The following PAM variants were observed in gnomAD, a reference collection of about 807,000 sequenced individuals.
PAM encodes peptidyl-glycine alpha-amidating monooxygenase.
Under a neutral mutation model 122.1 loss-of-function variants are expected in PAM, and 72 were observed. The observed-to-expected ratio is 0.59, with a 90% CI of 0.49 to 0.72. PAM has a LOEUF of 0.72. Among genes scored for constraint, PAM ranks in the 30% least tolerant of loss-of-function variants. PAM has a pLI of 0.00. For synonymous variants in PAM, 389 were observed against 404.4 expected (o/e 0.96, Z 0.46); for missense variants, 1,106 against 1,183.7 (o/e 0.93, Z 0.96).
intron 5 of PAM, 124 bp downstream of exon 5, chr5:102,914,145 A>G (rs532404261): frequency 7.9e-6 from 5 of 632,226 alleles, no homozygotes; most frequent in Admixed American, 5.0e-5. Context: ...GAAAAAGAAC[A>G]TTGTTCATTG....
At chr5:102,807,519 C>T (rs928617005) in intron 1 of PAM, among the ~76,000 whole-genome samples, 1 of 152,094 alleles carries the variant, frequency 6.6e-6, no homozygotes, top group Admixed American at 6.5e-5. Context: ...CTGATTTTGT[C>T]TGGGTGTCAT....
chr5:103,019,533 A>G (rs1782977285), intron 22 of PAM, among the ~76,000 whole-genome samples: 1 of 152,160 alleles, frequency 6.6e-6, no homozygotes, highest in Non-Finnish European at 1.5e-5. Context: ...AAATAATACA[A>G]TATTATGAAC....
intron 19 of PAM, 96 bp downstream of exon 19, chr5:103,007,107 TG>T: frequency 1.1e-6 from 1 of 915,158 alleles, no homozygotes; most frequent in Non-Finnish European, 1.7e-6. Flanking sequence ...AAGCTGTAAT[TG>T]TCCCCTACAG....
intron 5 of PAM, among the ~76,000 whole-genome samples, chr5:102,920,828 G>A (rs142801228): frequency 1.4e-3 from 214 of 151,268 alleles, no homozygotes; most frequent in South Asian, 2.7e-3. Flanking sequence ...AAGAAGAAAC[G>A]AGTTATCAGT....
chr5:102,793,484 C>T (rs1398317758), intron 1 of PAM, among the ~76,000 whole-genome samples: 1 of 152,124 alleles, frequency 6.6e-6, no homozygotes, highest in African/African-American at 2.4e-5. Context: ...TGAGCCTGAT[C>T]GCACCACTGC....
At chr5:102,789,932 T>C (rs889313075) in intron 1 of PAM, among the ~76,000 whole-genome samples, 2 of 152,122 alleles carry the variant, frequency 1.3e-5, no homozygotes, top group Non-Finnish European at 2.9e-5. Flanking sequence ...TATTCATAAA[T>C]ATTCAGTAGT....
chr5:102,816,738 A>G (rs1410930348), intron 1 of PAM, among the ~76,000 whole-genome samples: 1 of 152,144 alleles, frequency 6.6e-6, no homozygotes, highest in Non-Finnish European at 1.5e-5. Context: ...AAGTTGGAGT[A>G]TCCTAAAGTT....
chr5:102,875,391 G>C (rs569617356), intron 3 of PAM, among the ~76,000 whole-genome samples: 1 of 152,028 alleles, frequency 6.6e-6, no homozygotes, highest in African/African-American at 2.4e-5. Flanking sequence ...ATGAGGTTTT[G>C]CTGTGTTTCC....
chr5:102,925,067 CT>C, intron 6 of PAM, 25 bp downstream of exon 6: 1 of 1,137,270 alleles, frequency 8.8e-7, no homozygotes, highest in Non-Finnish European at 1.3e-6. Flanking sequence ...CTTGGGTGGT[CT>C]TATGTTCAGC....
chr5:102,831,777 A>AT (rs1253052553), intron 1 of PAM, among the ~76,000 whole-genome samples: 1 of 152,136 alleles, frequency 6.6e-6, no homozygotes, highest in African/African-American at 2.4e-5. Flanking sequence ...ATTTACTACT[A>AT]TGCTAATGTG....
intron 4 of PAM, among the ~76,000 whole-genome samples, chr5:102,911,033 C>T (rs536631224): frequency 3.4e-4 from 51 of 151,920 alleles, no homozygotes; most frequent in African/African-American, 1.1e-3. Flanking sequence ...CCCAGCCTGC[C>T]GCTCCTCACT....
intron 16 of PAM, among the ~76,000 whole-genome samples, chr5:103,002,675 T>C (rs1315132157): frequency 6.6e-6 from 1 of 152,210 alleles, no homozygotes; most frequent in Non-Finnish European, 1.5e-5. Context: ...GCATACTCTT[T>C]TGAAGAGCTT....
In PAM at chr5:103,019,816, G is replaced by T; in HGVS notation, c.2458G>T (p.Ala820Ser). 6.2e-7 allele frequency: 1 copy of T among 1,608,858 alleles called. No individual in the cohort carries two copies. Among genetic ancestry groups the T allele is most frequent in the Non-Finnish European group, 8.5e-7 (1 of 1,175,394 alleles). The stretch of plus-strand genomic sequence containing the variant: ...ATTGGAACATCGATCAGTTAAAAAG[G>T]CTGGCATTGAGGTCCAGGAAATCAA... ...EKLEHRSVKK[A>S]GIEVQEIKEA... The change falls in exon 23 of 26, where the codon GCT (alanine) becomes TCT (serine). Residue 820 changes from alanine to serine, a missense_variant. Transcript: ENST00000438793.
At chr5:103,016,094 A>G (rs1311703936) in intron 21 of PAM, among the ~76,000 whole-genome samples, 1 of 152,136 alleles carries the variant, frequency 6.6e-6, no homozygotes, top group Non-Finnish European at 1.5e-5. Flanking sequence ...AGCCCGCAGG[A>G]TTTCAGCAAG....
chr5:102,910,554 C>T (rs1459148263), intron 4 of PAM, among the ~76,000 whole-genome samples: 19 of 151,800 alleles, frequency 1.3e-4, no homozygotes, highest in African/African-American at 3.6e-4. Context: ...CCATTGAGAC[C>T]GAAGTACCAT....
At chr5:103,030,510 A>C (rs1277738755), downstream of PAM, 1 of 152,198 alleles carries the variant, frequency 6.6e-6, no homozygotes, top group Non-Finnish European at 1.5e-5. Context: ...ACAGAAGGGA[A>C]ATTTGGAAAC....
At chr5:102,892,620 T>C (rs1293681042) in intron 3 of PAM, among the ~76,000 whole-genome samples, 5 of 151,882 alleles carry the variant, frequency 3.3e-5, no homozygotes, top group African/African-American at 4.8e-5. Flanking sequence ...TAACAGTGCA[T>C]TGCCATTTTG....
intron 19 of PAM, 53 bp from the exon 20 acceptor site, chr5:103,007,404 A>G (rs982596765): frequency 2.0e-6 from 3 of 1,480,612 alleles, no homozygotes; most frequent in African/African-American, 1.4e-5. Context: ...TAGAGAGTCA[A>G]ACTTTGGGTG....
At chr5:102,997,813 C>T (rs1486897436) in intron 16 of PAM, among the ~76,000 whole-genome samples, 2 of 152,148 alleles carry the variant, frequency 1.3e-5, no homozygotes, top group African/African-American at 4.8e-5. Context: ...TTTTTTTCTA[C>T]ATTTGTGTGC....
Sources: gnomAD v4.1 joint callset for allele counts (sites outside exome capture counted in the v4.1 genomes callset) on GRCh38, gnomAD v4.1.1 for gene constraint, MANE v1.5 for transcripts, NCBI Gene and HGNC (gene_info 2026-07-23, HGNC 2026-07-21) for gene names.